The following ASAP1 variants were observed in gnomAD, a reference collection of about 807,000 sequenced individuals.
The protein encoded by ASAP1 is ArfGAP with SH3 domain, ankyrin repeat and PH domain 1, also known as arf-GAP with SH3 domain, ANK repeat and PH domain-containing protein 1.
A neutral mutation model predicts 145.2 loss-of-function variants in ASAP1; 43 were observed. The ratio of observed to expected loss-of-function variants is 0.30; its 90% CI spans 0.23 to 0.38. The LOEUF is 0.38. ASAP1 is among the 10% of genes least tolerant of loss of function. The pLI, the probability that ASAP1 is intolerant of heterozygous loss-of-function variation, is 1.00. For missense variants in ASAP1, 1,018 were observed against 1,355.3 expected (o/e 0.75, Z 3.91); for synonymous variants, 546 against 515.5 (o/e 1.06, Z -0.80).
intron 2 of ASAP1, among the ~76,000 whole-genome samples, chr8:130,377,063 T>A (rs548779092): frequency 6.6e-6 from 1 of 152,034 alleles, no homozygotes; most frequent in African/African-American, 2.4e-5. Context: ...ATGACAAACC[T>A]CACAAATAGC....
chr8:130,268,517 ACACACACACACACACAC>A (rs1565154977), intron 3 of ASAP1, among the ~76,000 whole-genome samples: 9 of 151,648 alleles, frequency 5.9e-5, no homozygotes, highest in African/African-American at 2.2e-4. Context: ...ACACACACAC[ACACACACACACACACAC>A]AACTGTGTAA....
At chr8:130,237,099 C>T in intron 3 of ASAP1, 105 bp from the exon 4 acceptor site, 1 of 750,118 alleles carries the variant, frequency 1.3e-6, no homozygotes, top group Non-Finnish European at 2.1e-6. Flanking sequence ...AGTACCAAAG[C>T]AACAGCAAAC....
intron 18 of ASAP1, among the ~76,000 whole-genome samples, chr8:130,120,819 G>A (rs2097564593): frequency 6.6e-6 from 1 of 152,122 alleles, no homozygotes; most frequent in African/African-American, 2.4e-5. Context: ...CTTTTTATGG[G>A]CACTCAGCCC....
intron 1 of ASAP1, among the ~76,000 whole-genome samples, chr8:130,423,946 G>A (rs1169601881): frequency 6.6e-6 from 1 of 152,140 alleles, no homozygotes; most frequent in Non-Finnish European, 1.5e-5. Flanking sequence ...AGTATGGATG[G>A]AGTTTTTTTT....
chr8:130,211,545 T>G (rs2136402336), intron 5 of ASAP1, among the ~76,000 whole-genome samples: 1 of 152,338 alleles, frequency 6.6e-6, no homozygotes, highest in Non-Finnish European at 1.5e-5. Context: ...CCTGCAATAG[T>G]GATTTCTTAC....
chr8:130,412,880 G>A (rs1300193120), intron 1 of ASAP1, among the ~76,000 whole-genome samples: 2 of 152,110 alleles, frequency 1.3e-5, no homozygotes, highest in South Asian at 2.1e-4. Flanking sequence ...CTGACCTTAG[G>A]TGATCCACCC....
At chr8:130,069,766 T>G (rs2097438461) in intron 27 of ASAP1, 1 of 152,150 alleles carries the variant, frequency 6.6e-6, no homozygotes, top group Admixed American at 6.5e-5. Flanking sequence ...TTGAAGAAAT[T>G]TTAAAAGTTG....
intron 9 of ASAP1, among the ~76,000 whole-genome samples, chr8:130,173,654 G>C (rs898468452): frequency 6.6e-6 from 1 of 151,924 alleles, no homozygotes; most frequent in Non-Finnish European, 1.5e-5. Flanking sequence ...TGTAGTCCCT[G>C]CTACTTGGGA....
chr8:130,076,699 T>C (rs2097463191), intron 26 of ASAP1, among the ~76,000 whole-genome samples: 1 of 152,076 alleles, frequency 6.6e-6, no homozygotes, highest in African/African-American at 2.4e-5. Flanking sequence ...TTTTGTATTT[T>C]TAGTAGAAAT....
At chr8:130,245,887 C>G (rs1414709143) in intron 3 of ASAP1, among the ~76,000 whole-genome samples, 1 of 152,158 alleles carries the variant, frequency 6.6e-6, no homozygotes, top group Non-Finnish European at 1.5e-5. Flanking sequence ...AATATTGCAA[C>G]ACATATTTTT....
intron 3 of ASAP1, among the ~76,000 whole-genome samples, chr8:130,352,913 C>G (rs930197870): frequency 6.6e-6 from 1 of 152,162 alleles, no homozygotes; most frequent in Non-Finnish European, 1.5e-5. Context: ...CCTCTAATGC[C>G]AGACCCAAAC....
At chr8:130,318,394 G>C (rs552893622) in intron 3 of ASAP1, among the ~76,000 whole-genome samples, 29 of 152,278 alleles carry the variant, frequency 1.9e-4, no homozygotes, top group Admixed American at 7.2e-4. Context: ...GTGTTTTTAT[G>C]ATGAGGTGCA....
intron 3 of ASAP1, among the ~76,000 whole-genome samples, chr8:130,312,859 T>C (rs758304082): frequency 6.6e-6 from 1 of 152,228 alleles, no homozygotes; most frequent in Non-Finnish European, 1.5e-5. Flanking sequence ...TTTGCCAATG[T>C]GATTTTCAAC....
chr8:130,242,325 C>T (rs796919561), intron 3 of ASAP1, among the ~76,000 whole-genome samples: 11 of 138,452 alleles, frequency 7.9e-5, no homozygotes, highest in African/African-American at 3.0e-4. Context: ...AAAAAAAGGG[C>T]TTCCATTGTA....
rs548614341 is a variant in ASAP1 at position 130,244,373 on chromosome 8, C to T, written c.187-7379G>A. On this transcript the variant is annotated intron_variant, in intron 3 of 29. Transcript: ENST00000518721. ...AGATGGTCCCGGAATCTCCTGATTACTTGAAATTAAAACAAGAATGCCCAT... is the reference window on the plus strand; with the variant it reads ...AGATGGTCCCGGAATCTCCTGATTATTTGAAATTAAAACAAGAATGCCCAT... Among the ~76,000 whole-genome samples, 66 of 152,240 alleles carry T rather than the reference C, an allele frequency of 4.3e-4. 1 individual carries two copies. The highest frequency in any genetic ancestry group is 1.5e-3 in the African/African-American group (61 of 41,544).
intron 27 of ASAP1, among the ~76,000 whole-genome samples, chr8:130,062,523 A>G (rs2097421739): frequency 6.6e-6 from 1 of 152,200 alleles, no homozygotes; most frequent in Non-Finnish European, 1.5e-5. Context: ...CTAAGAAACA[A>G]TCTGAGCCAG....
At chr8:130,229,382 C>T (rs945346015) in intron 4 of ASAP1, among the ~76,000 whole-genome samples, 1 of 152,232 alleles carries the variant, frequency 6.6e-6, no homozygotes, top group East Asian at 1.9e-4. Flanking sequence ...CAGCTTTATA[C>T]AGGAAAATAC....
intron 13 of ASAP1, among the ~76,000 whole-genome samples, chr8:130,138,741 C>A (rs563753022): frequency 6.7e-6 from 1 of 149,950 alleles, no homozygotes; most frequent in Admixed American, 6.7e-5. Context: ...GAGGCTGAGG[C>A]AGGAGAATCG....
In ASAP1 at chr8:130,408,518, G is replaced by A. The variant is rs187904830; in HGVS notation, c.-27-6548C>T. Reference sequence around the variant, plus strand: ...CAGTTCCCCTGGTTTTTAGACCTTCGGGCTAGGACTGAATTACACCACTGG... The same window carrying A: ...CAGTTCCCCTGGTTTTTAGACCTTCAGGCTAGGACTGAATTACACCACTGG... On this transcript the variant is annotated intron_variant, in intron 1 of 29. Transcript: ENST00000518721. 2.0e-5 allele frequency among the ~76,000 whole-genome samples: 3 copies of A among 152,170 alleles called. No individual in the cohort carries two copies. In the East Asian group the frequency reaches 5.8e-4, roughly 29 times the overall value.
Sources: allele counts gnomAD v4.1 joint callset (sites outside exome capture counted in the v4.1 genomes callset), GRCh38; gene constraint gnomAD v4.1.1; transcripts MANE v1.5; gene names NCBI Gene and HGNC (gene_info 2026-07-23, HGNC 2026-07-21).